PPM1L: variants seen among roughly 807,000 people sequenced by gnomAD.
PPM1L encodes the protein protein phosphatase, Mg2+/Mn2+ dependent 1L.
In PPM1L, 13 loss-of-function variants were observed where a neutral mutation model predicts 31.4. The observed-to-expected ratio is 0.41, with a 90% CI of 0.27 to 0.66. The LOEUF (loss-of-function observed/expected upper bound fraction) is 0.66, where lower values mean the gene tolerates loss of function less well. Among genes scored for constraint, PPM1L ranks in the 30% least tolerant of loss-of-function variants. The probability of loss-of-function intolerance (pLI) is 0.29; values close to 1 mark genes in which losing one functional copy is unlikely to be tolerated. For missense variants in PPM1L, 326 were observed against 453.7 expected (o/e 0.72, Z 2.56); for synonymous variants, 184 against 175.4 (o/e 1.05, Z -0.39).
At chr3:160,867,816 G>C (rs1388796885) in intron 1 of PPM1L, among the ~76,000 whole-genome samples, 1 of 152,108 alleles carries the variant, frequency 6.6e-6, no homozygotes, top group Non-Finnish European at 1.5e-5. Context: ...TTTTGGTTTA[G>C]TCCTTTTAAT....
chr3:161,055,855 G>A (rs1431455789), intron 2 of PPM1L, among the ~76,000 whole-genome samples: 1 of 152,070 alleles, frequency 6.6e-6, no homozygotes, highest in Non-Finnish European at 1.5e-5. Context: ...ACAGAAGGGA[G>A]CTGCTATTAG....
chr3:160,877,226 T>C (rs1477770765), intron 1 of PPM1L, among the ~76,000 whole-genome samples: 2 of 152,208 alleles, frequency 1.3e-5, no homozygotes, highest in Non-Finnish European at 2.9e-5. Context: ...TAATCAAAAA[T>C]CTTTTTGAAT....
chr3:160,793,529 GT>G (rs1379494115), intron 1 of PPM1L, among the ~76,000 whole-genome samples: 1 of 152,156 alleles, frequency 6.6e-6, no homozygotes, highest in Non-Finnish European at 1.5e-5. Context: ...CTTCAAATGT[GT>G]TTTGGGATAA....
At chr3:160,949,296 T>A (rs1305358866) in intron 1 of PPM1L, among the ~76,000 whole-genome samples, 5 of 152,210 alleles carry the variant, frequency 3.3e-5, no homozygotes, top group African/African-American at 1.2e-4. Context: ...TGTGTGTGTA[T>A]TTCTGGGAAA....
chr3:160,764,454 A>G (rs1165619604), intron 1 of PPM1L, among the ~76,000 whole-genome samples: 1 of 133,918 alleles, frequency 7.5e-6, no homozygotes, highest in Non-Finnish European at 1.5e-5. Context: ...ATTTATTTTA[A>G]TTCTCCCTCT....
At chr3:160,981,681 C>T (rs1438830207) in intron 2 of PPM1L, among the ~76,000 whole-genome samples, 1 of 152,056 alleles carries the variant, frequency 6.6e-6, no homozygotes, top group Non-Finnish European at 1.5e-5. Flanking sequence ...TCTACTCTTA[C>T]TCTTCCAACT....
At chr3:160,982,073 G>A (rs957398821) in intron 2 of PPM1L, among the ~76,000 whole-genome samples, 4 of 152,024 alleles carry the variant, frequency 2.6e-5, no homozygotes, top group African/African-American at 7.2e-5. Flanking sequence ...GCCCCCTCTC[G>A]TTTTCTAATC....
intron 2 of PPM1L, among the ~76,000 whole-genome samples, chr3:160,982,765 T>C (rs1716842248): frequency 6.6e-6 from 1 of 152,160 alleles, no homozygotes; most frequent in Non-Finnish European, 1.5e-5. Flanking sequence ...ACTGTGGTCA[T>C]CTATTTTTTC....
intron 1 of PPM1L, among the ~76,000 whole-genome samples, chr3:160,951,004 T>C (rs1450743845): frequency 6.6e-6 from 1 of 152,266 alleles, no homozygotes; most frequent in East Asian, 1.9e-4. Flanking sequence ...TGAAACATAG[T>C]TCTCTCTGTA....
At chr3:160,873,275 A>G (rs1420462875) in intron 1 of PPM1L, among the ~76,000 whole-genome samples, 1 of 152,222 alleles carries the variant, frequency 6.6e-6, no homozygotes, top group East Asian at 1.9e-4. Flanking sequence ...TAAACACAGT[A>G]CTGCTTATAT....
intron 2 of PPM1L, among the ~76,000 whole-genome samples, chr3:161,064,399 G>A (rs1388572886): frequency 1.3e-5 from 2 of 151,502 alleles, no homozygotes; most frequent in Non-Finnish European, 2.9e-5. Flanking sequence ...GGTCTTTTTT[G>A]TTGTTCCATG....
At position 160,976,269 on chromosome 3, in the gene PPM1L, G is replaced by A. The variant is rs1045586345; in HGVS notation, c.574+14359G>A. ...AGCTTTTTGATGTGCCACTGGATTCGGTTTGCCAGTATTTTATTGAGGATT... is the reference window on the plus strand; with the variant it reads ...AGCTTTTTGATGTGCCACTGGATTCAGTTTGCCAGTATTTTATTGAGGATT... On this transcript the variant is annotated intron_variant, in intron 2 of 3. Coordinates refer to ENST00000498165, the MANE Select transcript of PPM1L (RefSeq NM_139245.4). Among the ~76,000 whole-genome samples the A allele has an allele frequency of 3.4e-5, 5 of 147,816 alleles. No individual in the cohort carries two copies. The East Asian group carries it at 6.0e-4, about 18-fold the overall frequency.
chr3:160,880,773 T>A (rs78573720), intron 1 of PPM1L, among the ~76,000 whole-genome samples: 1,576 of 152,276 alleles, frequency 0.01, 27 homozygotes, highest in African/African-American at 0.036. Flanking sequence ...ACTGACCCAA[T>A]CAAATTGACT....
chr3:160,924,411 A>G (rs549931866), intron 1 of PPM1L, among the ~76,000 whole-genome samples: 1 of 152,226 alleles, frequency 6.6e-6, no homozygotes, highest in Non-Finnish European at 1.5e-5. Flanking sequence ...TTCCAGAATC[A>G]AAAGGTCTAG....
At chr3:161,058,597 GGGGGAGGGGCT>G in intron 2 of PPM1L, among the ~76,000 whole-genome samples, 1 of 152,124 alleles carries the variant, frequency 6.6e-6, no homozygotes, top group East Asian at 1.9e-4. Context: ...TCATAATGCT[GGGGGAGGGGCT>G]GAGGATTGGG....
At chr3:160,930,453 G>C (rs535015128) in intron 1 of PPM1L, among the ~76,000 whole-genome samples, 1 of 152,136 alleles carries the variant, frequency 6.6e-6, no homozygotes, top group South Asian at 2.1e-4. Flanking sequence ...TCTGTATCTC[G>C]TTAGTTCATA....
intron 1 of PPM1L, among the ~76,000 whole-genome samples, chr3:160,846,175 G>T (rs1422150873): frequency 6.6e-6 from 1 of 152,064 alleles, no homozygotes; most frequent in African/African-American, 2.4e-5. Flanking sequence ...CTAAAATAAT[G>T]TACTATAACA....
At chr3:160,798,416 T>C (rs1433701249) in intron 1 of PPM1L, among the ~76,000 whole-genome samples, 1 of 152,172 alleles carries the variant, frequency 6.6e-6, no homozygotes, top group East Asian at 1.9e-4. Flanking sequence ...ATAATGTAGC[T>C]GGTGACTTTA....
At chr3:161,047,196 A>G (rs967363459) in intron 2 of PPM1L, among the ~76,000 whole-genome samples, 15 of 152,204 alleles carry the variant, frequency 9.9e-5, no homozygotes, top group Non-Finnish European at 1.9e-4. Flanking sequence ...AAACCCCGTC[A>G]TCTCAGCCCA....
Sources: gnomAD v4.1 joint callset for allele counts (sites outside exome capture counted in the v4.1 genomes callset) on GRCh38, gnomAD v4.1.1 for gene constraint, MANE v1.5 for transcripts, NCBI Gene and HGNC (gene_info 2026-07-23, HGNC 2026-07-21) for gene names.